The following BBS12 variants were observed in gnomAD, a reference collection of about 807,000 sequenced individuals.
The protein encoded by BBS12 is chaperonin-containing T-complex member BBS12.
A neutral mutation model predicts 5.6 loss-of-function variants in BBS12; 5 were observed. That is an observed-to-expected ratio of 0.89 (90% CI 0.46 to 1.86). BBS12 has a LOEUF of 1.86. Among genes scored for constraint, BBS12 ranks in the 40% most tolerant of loss-of-function variants. The probability of loss-of-function intolerance (pLI) is 0.01; values close to 1 mark genes in which losing one functional copy is unlikely to be tolerated. For missense variants in BBS12, 748 were observed against 830.4 expected (o/e 0.90, Z 1.22); for synonymous variants, 308 against 306.8 (o/e 1.00, Z -0.04).
chr4:122,709,957 T>C, the BBS12 span, among the ~76,000 whole-genome samples: 1,399 of 152,248 alleles, frequency 9.2e-3, 12 homozygotes, highest in Non-Finnish European at 0.015. Flanking sequence ...TGCCTGGCAA[T>C]ACATTCTTTT....
At chr4:122,733,232 TG>T (rs1800727333) in intron 1 of BBS12, among the ~76,000 whole-genome samples, 1 of 152,176 alleles carries the variant, frequency 6.6e-6, no homozygotes, top group East Asian at 1.9e-4. Flanking sequence ...ACGTGGGTAT[TG>T]GGATAAGCAT....
the BBS12 span, among the ~76,000 whole-genome samples, chr4:122,705,095 G>A: frequency 5.9e-5 from 9 of 152,178 alleles, no homozygotes; most frequent in African/African-American, 1.9e-4. Context: ...AAGAACTTCT[G>A]CGAACATTCT....
chr4:122,726,763 C>T, the BBS12 span, among the ~76,000 whole-genome samples: 21 of 152,308 alleles, frequency 1.4e-4, no homozygotes, highest in Non-Finnish European at 2.1e-4. Context: ...ATATGGAATA[C>T]TACTTAGCCA....
chr4:122,718,739 G>GAAATGAAAT, the BBS12 span, among the ~76,000 whole-genome samples: 3 of 151,916 alleles, frequency 2.0e-5, no homozygotes, highest in Non-Finnish European at 4.4e-5. Context: ...GAAATGAAAT[G>GAAATGAAAT]AAATGAAATG....
At chr4:122,711,185 T>G in the BBS12 span, among the ~76,000 whole-genome samples, 1 of 152,066 alleles carries the variant, frequency 6.6e-6, no homozygotes. Context: ...TGTGTAGGCA[T>G]GAGGAGGAAT....
At chr4:122,736,441 C>T (rs1800784795) in intron 1 of BBS12, among the ~76,000 whole-genome samples, 1 of 152,026 alleles carries the variant, frequency 6.6e-6, no homozygotes, top group African/African-American at 2.4e-5. Context: ...AAATGCAGCT[C>T]CTGAAAGCAT....
upstream of BBS12, chr4:122,732,112 T>A (rs2150730682): frequency 6.6e-6 from 1 of 152,364 alleles, no homozygotes; most frequent in Non-Finnish European, 1.5e-5. Flanking sequence ...GCGTCTTTAA[T>A]TTCTTGCTTT....
At chr4:122,731,076 T>C (rs1439322991), upstream of BBS12, 3 of 152,216 alleles carry the variant, frequency 2.0e-5, no homozygotes, top group Non-Finnish European at 2.9e-5. Flanking sequence ...ATTTTATTTA[T>C]TGGTCTTTTA....
At chr4:122,716,715 A>ACG in the BBS12 span, among the ~76,000 whole-genome samples, 3,496 of 76,412 alleles carry the variant, frequency 0.046, 224 homozygotes, top group African/African-American at 0.15. Context: ...ACATACACAT[A>ACG]TGTGTGTATA....
the BBS12 span, among the ~76,000 whole-genome samples, chr4:122,707,555 G>A: frequency 6.6e-6 from 1 of 152,146 alleles, no homozygotes. Flanking sequence ...AATCAATTCT[G>A]TGTATCTACT....
the BBS12 span, among the ~76,000 whole-genome samples, chr4:122,706,824 T>C: frequency 6.6e-6 from 1 of 152,200 alleles, no homozygotes. Context: ...GTAGAAACCA[T>C]GTGCATGTTC....
At chr4:122,726,197 G>C in the BBS12 span, among the ~76,000 whole-genome samples, 3 of 151,948 alleles carry the variant, frequency 2.0e-5, no homozygotes, top group East Asian at 3.9e-4. Context: ...CCAATATCCA[G>C]AACCTACAAG....
Position 122,743,784 on chromosome 4 carries a change from C to G in BBS12, c.1892C>G (p.Ser631Cys). 1.9e-6 allele frequency: 3 copies of G among 1,613,956 alleles called. No homozygotes were observed. Among genetic ancestry groups the G allele is most frequent in the Non-Finnish European group, 2.5e-6 (3 of 1,179,934 alleles). ...CTGCAAAATGCCACAGACTCTGGCT[C>G]TCCTTCATCTTACATCTTGAATGAA... Reference protein sequence around the residue: ...HHLQNATDSGSPSSYILNEYS... With the variant: ...HHLQNATDSGCPSSYILNEYS... The change falls in exon 2 of 2, where the codon TCT (serine) becomes TGT (cysteine). Residue 631 changes from serine (S) to cysteine (C), a missense_variant. Physicochemically the swap from Ser to Cys is moderately radical, Grantham distance 112 (BLOSUM62 -1). Coordinates refer to ENST00000314218, the MANE Select transcript of BBS12 (RefSeq NM_152618.3).
At chr4:122,739,382 C>T (rs927399047) in intron 1 of BBS12, among the ~76,000 whole-genome samples, 2 of 152,180 alleles carry the variant, frequency 1.3e-5, no homozygotes, top group Admixed American at 6.5e-5. Flanking sequence ...ATATTTGCTC[C>T]TCCTTTTCAT....
chr4:122,710,855 C>T, the BBS12 span, among the ~76,000 whole-genome samples: 6 of 152,070 alleles, frequency 3.9e-5, no homozygotes, highest in African/African-American at 9.7e-5. Context: ...ATCAATATCT[C>T]GTATTTGGTC....
the BBS12 span, among the ~76,000 whole-genome samples, chr4:122,703,102 C>A: frequency 6.6e-6 from 1 of 152,180 alleles, no homozygotes; most frequent in Non-Finnish European, 1.5e-5. Flanking sequence ...AGGTAGGGAG[C>A]CAGAGGCATA....
the BBS12 span, among the ~76,000 whole-genome samples, chr4:122,702,510 T>G: frequency 6.6e-6 from 1 of 152,202 alleles, no homozygotes; most frequent in African/African-American, 2.4e-5. Context: ...TTAGGGCTAG[T>G]CTTGGACAAT....
Position 122,743,777 on chromosome 4 carries a change from T to C in BBS12, c.1885T>C (p.Ser629Pro). Residue 629 changes from serine (S) to proline (P), a missense_variant, in exon 2 of 2, where the codon TCT becomes CCT. Coordinates refer to ENST00000314218, the MANE Select transcript of BBS12 (RefSeq NM_152618.3). ...IQHHLQNATDSGSPSSYILNE... is the reference protein window; with the variant it reads ...IQHHLQNATDPGSPSSYILNE... The stretch of plus-strand genomic sequence containing the variant: ...ACATCATCTGCAAAATGCCACAGAC[T>C]CTGGCTCTCCTTCATCTTACATCTT... The C allele has an allele frequency of 6.2e-7, 1 of 1,614,118 alleles. No individual in the cohort carries two copies. The highest frequency in any genetic ancestry group is 8.5e-7 in the Non-Finnish European group (1 of 1,179,988).
chr4:122,713,597 TG>T, the BBS12 span, among the ~76,000 whole-genome samples: 1 of 152,276 alleles, frequency 6.6e-6, no homozygotes, highest in Non-Finnish European at 1.5e-5. Context: ...TTGTATCTTT[TG>T]GGATTATGCC....
Sources: gnomAD v4.1 joint callset for allele counts (sites outside exome capture counted in the v4.1 genomes callset) on GRCh38, gnomAD v4.1.1 for gene constraint, MANE v1.5 for transcripts, NCBI Gene and HGNC (gene_info 2026-07-23, HGNC 2026-07-21) for gene names.